Variants in CCDC157 observed in about 807,000 individuals in gnomAD.
CCDC157 encodes coiled-coil domain-containing protein 157.
CCDC157 carries 60 observed loss-of-function variants against 70.9 expected under a neutral mutation model. The ratio of observed to expected loss-of-function variants is 0.85; its 90% CI spans 0.69 to 1.05. CCDC157 has a LOEUF of 1.05. CCDC157 is among the 50% of genes least tolerant of loss of function. The probability of loss-of-function intolerance (pLI) is 0.00; values close to 1 mark genes in which losing one functional copy is unlikely to be tolerated. For missense variants in CCDC157, 943 were observed against 984.2 expected, an observed-to-expected ratio of 0.96 and a Z score of 0.56; for synonymous variants, 373 against 422.4, an observed-to-expected ratio of 0.88 and a Z score of 1.43.
At chr22:30,363,683 C>CT (rs55722661) in intron 2 of CCDC157, among the ~76,000 whole-genome samples, 60 of 114,606 alleles carry the variant, frequency 5.2e-4, no homozygotes, top group South Asian at 5.2e-3. Context: ...GAATGTTTCT[C>CT]TTTTTTTTTT....
At chr22:30,369,708 T>G (rs769221496) in intron 4 of CCDC157, 105 bp downstream of exon 4, 3 of 928,290 alleles carry the variant, frequency 3.2e-6, no homozygotes, top group Non-Finnish European at 4.5e-6. Flanking sequence ...CCTACCACTA[T>G]GTGCACCACA....
At position 30,376,744 on chromosome 22, in the gene CCDC157, A is replaced by AGCCTGTG. The variant is rs1454246292; in HGVS notation, c.*3_*9dup. 8.7e-6 allele frequency: 14 copies of AGCCTGTG among 1,610,240 alleles called. No homozygotes were observed. Among genetic ancestry groups the AGCCTGTG allele is most frequent in the Non-Finnish European group, 1.2e-5 (14 of 1,177,852 alleles). On this transcript the variant is annotated frameshift_variant and stop_retained_variant, in exon 12 of 12. Transcript: ENST00000338306. LOFTEE classifies it high-confidence loss of function. ...CACCAGCCCCAGGAGCGGCCCATGT[A>AGCCTGTG]GCCTGTGGCCCAGGGCTGAGGCTGG... is the stretch of plus-strand genomic sequence containing the variant.
chr22:30,374,655 G>A (rs1483824937), intron 9 of CCDC157: 3 of 456,698 alleles, frequency 6.6e-6, no homozygotes, highest in South Asian at 3.1e-5. Flanking sequence ...AGCTGCTCGT[G>A]AGACATCATC....
rs907667170 is a variant in CCDC157 at position 30,376,820 on chromosome 22, C to G, written c.*75C>G. 2.7e-5 allele frequency: 38 copies of G among 1,406,684 alleles called. No homozygotes were observed. The African/African-American group carries it at 4.6e-4, about 17-fold the overall frequency. 87.1% of individuals were successfully genotyped at this position (1,406,684 alleles called of 1,614,324 possible). A position where few individuals can be genotyped will look rare whatever the true frequency, so the allele number is the denominator to read the frequency against. ...ACTGTAATAAAGCCCCAGCCATTGGCCCACAGCAATCTTTGCCTCACAGTA... is the reference window on the plus strand; with the variant it reads ...ACTGTAATAAAGCCCCAGCCATTGGGCCACAGCAATCTTTGCCTCACAGTA... On this transcript the variant is annotated 3_prime_UTR_variant, in exon 12 of 12. Coordinates refer to ENST00000338306, the MANE Select transcript of CCDC157 (RefSeq NM_001017437.5).
At chr22:30,362,944 G>A (rs1354726243) in intron 2 of CCDC157, among the ~76,000 whole-genome samples, 1 of 152,190 alleles carries the variant, frequency 6.6e-6, no homozygotes, top group Admixed American at 6.5e-5. Flanking sequence ...GGAGGCAGAA[G>A]GGGCCATGGC....
intron 2 of CCDC157, 48 bp from the exon 3 acceptor site, chr22:30,365,942 A>G: frequency 6.6e-7 from 1 of 1,507,644 alleles, no homozygotes; most frequent in Non-Finnish European, 8.9e-7. Flanking sequence ...TTCCTCCTGC[A>G]GCAGCCACGT....
chr22:30,373,707 G>A lies in CCDC157; in HGVS notation c.1446G>A (p.Val482=). The A allele has an allele frequency of 6.4e-7, 1 of 1,553,404 alleles. No homozygotes were observed. Among genetic ancestry groups the A allele is most frequent in the Non-Finnish European group, 8.7e-7 (1 of 1,148,852 alleles). Residue 482 remains valine (V), a synonymous_variant, in exon 8 of 12, where the codon GTG becomes GTA. Coordinates refer to ENST00000338306, the MANE Select transcript of CCDC157 (RefSeq NM_001017437.5). ...LDEAEAQRAR[V]EEQLQSEREQ... is the part of the protein sequence containing the mutation. ...AGGCTGAGGCCCAGCGGGCCCGCGT[G>A]GAGGAGCAGCTGCAGAGCGAGCGGG...
chr22:30,360,998 G>C (rs1158381019), intron 1 of CCDC157, among the ~76,000 whole-genome samples: 1 of 152,096 alleles, frequency 6.6e-6, no homozygotes, highest in Non-Finnish European at 1.5e-5. Context: ...AGTGAGCCAA[G>C]ATCGCACCAC....
At chr22:30,374,460 A>G in intron 9 of CCDC157, 1 of 477,128 alleles carries the variant, frequency 2.1e-6, no homozygotes, top group South Asian at 1.5e-5. Flanking sequence ...AAACCACACC[A>G]TGGGACTAGT....
upstream of CCDC157, chr22:30,356,677 G>C (rs943167440): frequency 5.3e-5 from 71 of 1,342,766 alleles, no homozygotes; most frequent in Admixed American, 8.2e-5. Flanking sequence ...GTGCGAGTAA[G>C]GAGCGCCCAG....
chr22:30,373,070 T>C (rs1417026110), intron 7 of CCDC157: 1 of 155,448 alleles, frequency 6.4e-6, no homozygotes, highest in African/African-American at 2.4e-5. Context: ...GTCACCCCCA[T>C]TTTACGAATG....
intron 9 of CCDC157, chr22:30,374,507 AC>A (rs1182983772): frequency 2.2e-6 from 1 of 463,858 alleles, no homozygotes; most frequent in African/African-American, 2.0e-5. Flanking sequence ...ACTGTCCTGG[AC>A]CCCATGGCAT....
rs1002748204 is a variant in CCDC157 at position 30,377,735 on chromosome 22, C to T, written c.*990C>T. On this transcript the variant is annotated 3_prime_UTR_variant, in exon 12 of 12. Coordinates refer to ENST00000338306, the MANE Select transcript of CCDC157 (RefSeq NM_001017437.5). ...GTTCCTGAGGGAGGCTGGGGTGCCC[C>T]GGGCACCCCCCTCACAGGGGAGCAC... 9.5e-5 allele frequency: 18 copies of T among 188,814 alleles called. No individual in the cohort carries two copies. The highest frequency in any genetic ancestry group is 3.4e-5 in the Non-Finnish European group (3 of 88,490). 11.7% of individuals were successfully genotyped at this position (188,814 alleles called of 1,614,324 possible). A position where few individuals can be genotyped will look rare whatever the true frequency, so the allele number is the denominator to read the frequency against.
rs118118323 is a variant in CCDC157 at position 30,364,910 on chromosome 22, T to C, written c.-11-1080T>C. 3.4e-4 allele frequency among the ~76,000 whole-genome samples: 52 copies of C among 152,330 alleles called. No individual in the cohort carries two copies. The East Asian group carries it at 7.9e-3, about 23-fold the overall frequency. On this transcript the variant is annotated intron_variant, in intron 2 of 11. Transcript: ENST00000338306. The stretch of plus-strand genomic sequence containing the variant: ...ATGCAAGTTTTCATGTTTTCCTCTC[T>C]TGCACTTTAGAAGTCAAGTGCATTT...
chr22:30,356,652 C>T, upstream of CCDC157: 1 of 1,147,272 alleles, frequency 8.7e-7, no homozygotes. Flanking sequence ...TCATAGCGGC[C>T]GGCCGCTTAT....
At position 30,370,855 on chromosome 22, in the gene CCDC157, CGCT is replaced by C; in HGVS notation, c.952_954del (p.Leu318del). ...AAGCAGGCGGGCAAGCTGGAGCAGGCGCTGAAACAGGAGCAGGGGGCACGGCGG... is the reference window on the plus strand; with the variant it reads ...AAGCAGGCGGGCAAGCTGGAGCAGGCGAAACAGGAGCAGGGGGCACGGCGG... On this transcript the variant is annotated inframe_deletion, in exon 5 of 12. Transcript: ENST00000338306. 6.2e-7 allele frequency: 1 copy of C among 1,612,440 alleles called. No individual in the cohort carries two copies. Among genetic ancestry groups the C allele is most frequent in the African/African-American group, 1.3e-5 (1 of 75,036 alleles).
At chr22:30,363,388 A>C (rs1320920301) in intron 2 of CCDC157, among the ~76,000 whole-genome samples, 1 of 152,120 alleles carries the variant, frequency 6.6e-6, no homozygotes, top group Non-Finnish European at 1.5e-5. Context: ...TATTATTAAT[A>C]ATAATAATAG....
chr22:30,356,828 G>A (rs1931895461), upstream of CCDC157: 3 of 1,315,258 alleles, frequency 2.3e-6, no homozygotes, highest in Non-Finnish European at 2.0e-6. Flanking sequence ...CCGCCTCGGT[G>A]TCGGTGAGCG....
chr22:30,356,981 C>T, upstream of CCDC157: 3 of 459,192 alleles, frequency 6.5e-6, no homozygotes, highest in Non-Finnish European at 1.1e-5. Flanking sequence ...CCGCCCCTCC[C>T]CGCGGGCACC....
Sources: allele counts gnomAD v4.1 joint callset (sites outside exome capture counted in the v4.1 genomes callset), GRCh38; gene constraint gnomAD v4.1.1; transcripts MANE v1.5; gene names NCBI Gene and HGNC (gene_info 2026-07-23, HGNC 2026-07-21).